KIF26B: variants seen among roughly 807,000 people sequenced by gnomAD.
KIF26B encodes the protein kinesin-like protein KIF26B.
A neutral mutation model predicts 151.2 loss-of-function variants in KIF26B; 63 were observed. That is an observed-to-expected ratio of 0.42 (90% CI 0.34 to 0.51). The LOEUF is 0.51. Ranked by LOEUF, KIF26B falls within the 20% of genes least tolerant of loss-of-function variation. The probability of loss-of-function intolerance (pLI) is 0.07; values close to 1 mark genes in which losing one functional copy is unlikely to be tolerated. For synonymous variants in KIF26B, 1,357 were observed against 1,262.1 expected, an observed-to-expected ratio of 1.08 and a Z score of -1.59; for missense variants, 2,813 against 2,913.6, an observed-to-expected ratio of 0.97 and a Z score of 0.79.
At position 245,451,001 on chromosome 1, in the gene KIF26B, C is replaced by G. The variant is rs367797630; in HGVS notation, c.1166+31256C>G. 2.0e-3 allele frequency among the ~76,000 whole-genome samples: 299 copies of G among 152,108 alleles called. 1 individual carries two copies. Among genetic ancestry groups the G allele is most frequent in the African/African-American group, 6.6e-3 (274 of 41,480 alleles). ...TCCTATGGAAATGAATTCCTCGTGC[C>G]CACGGCCATTACATTTCCTACAACG... On this transcript the variant is annotated intron_variant, in intron 4 of 14. Coordinates refer to ENST00000407071, the MANE Select transcript of KIF26B (RefSeq NM_018012.4).
At chr1:245,347,747 A>C (rs940021922) in intron 2 of KIF26B, among the ~76,000 whole-genome samples, 1 of 152,256 alleles carries the variant, frequency 6.6e-6, no homozygotes, top group Non-Finnish European at 1.5e-5. Flanking sequence ...CCACTCAATC[A>C]AAAGCTCTTA....
At chr1:245,487,936 C>T (rs1468337024) in intron 4 of KIF26B, among the ~76,000 whole-genome samples, 1 of 152,040 alleles carries the variant, frequency 6.6e-6, no homozygotes, top group Non-Finnish European at 1.5e-5. Context: ...TTATAGGCGC[C>T]TGCCACCATG....
rs149066371 is a variant in KIF26B at position 245,360,138 on chromosome 1, T to G, written c.466-6696T>G. Among the ~76,000 whole-genome samples the G allele has an allele frequency of 9.2e-3, 1,400 of 152,034 alleles. 22 individuals are homozygous for G. The highest frequency in any genetic ancestry group is 0.042 in the East Asian group (218 of 5,170). On this transcript the variant is annotated intron_variant, in intron 2 of 14. Transcript: ENST00000407071. ...TCCACCCACCTTGACCTCCCAAAGTTCTGGGATTACAGGTGTGAGCCACTG... is the reference window on the plus strand; with the variant it reads ...TCCACCCACCTTGACCTCCCAAAGTGCTGGGATTACAGGTGTGAGCCACTG...
chr1:245,316,843 T>C (rs35578637), intron 2 of KIF26B, among the ~76,000 whole-genome samples: 35,173 of 139,412 alleles, frequency 0.25, 4,712 homozygotes, highest in African/African-American at 0.39. Context: ...TCAAGGACCC[T>C]CACAATCACC....
intron 7 of KIF26B, 35 bp from the exon 8 acceptor site, chr1:245,609,231 T>C: frequency 1.9e-6 from 3 of 1,561,218 alleles, no homozygotes; most frequent in Non-Finnish European, 2.6e-6. Context: ...GCCTGGACAC[T>C]GAACCTGCTT....
chr1:245,172,083 GT>G lies in KIF26B; in HGVS notation c.465+15403del, dbSNP rs1016502448. On this transcript the variant is annotated intron_variant, in intron 2 of 14. Coordinates refer to ENST00000407071, the MANE Select transcript of KIF26B (RefSeq NM_018012.4). ...TTTTCATTTCCTTATCCATCCACCT[GT>G]TTGTTTATCCACTCATCTACCTGTC... is the stretch of plus-strand genomic sequence containing the variant. 7.8e-4 allele frequency among the ~76,000 whole-genome samples: 8 copies of G among 10,314 alleles called. No individual in the cohort carries two copies. In the South Asian group the frequency reaches 0.02, roughly 26 times the overall value. The allele number at this position is 10,314 out of a possible 152,430, so 6.8% of individuals were successfully genotyped here. A position where few individuals can be genotyped will look rare whatever the true frequency, so the allele number is the denominator to read the frequency against.
chr1:245,577,348 C>T (rs749937903), intron 5 of KIF26B, among the ~76,000 whole-genome samples: 12 of 152,098 alleles, frequency 7.9e-5, no homozygotes, highest in Non-Finnish European at 1.5e-4. Flanking sequence ...ATAACAGAGT[C>T]AGGCATAAGA....
intron 10 of KIF26B, among the ~76,000 whole-genome samples, chr1:245,680,043 CCT>C (rs1466725157): frequency 6.6e-6 from 1 of 152,146 alleles, no homozygotes; most frequent in Non-Finnish European, 1.5e-5. Flanking sequence ...CTTTTCTCTT[CCT>C]CTCTCTTCAG....
intron 2 of KIF26B, among the ~76,000 whole-genome samples, chr1:245,251,786 A>T (rs1218102959): frequency 6.6e-6 from 1 of 152,130 alleles, no homozygotes; most frequent in Non-Finnish European, 1.5e-5. Flanking sequence ...GAGTTTATAA[A>T]TCTTAATATT....
chr1:245,320,737 G>A (rs1196981928), intron 2 of KIF26B, among the ~76,000 whole-genome samples: 1 of 152,054 alleles, frequency 6.6e-6, no homozygotes, highest in Non-Finnish European at 1.5e-5. Context: ...GAGTGCAATG[G>A]TGTGATCTTG....
At chr1:245,395,480 G>C (rs1175436516) in intron 3 of KIF26B, among the ~76,000 whole-genome samples, 1 of 152,198 alleles carries the variant, frequency 6.6e-6, no homozygotes, top group Non-Finnish European at 1.5e-5. Context: ...CAGGTGCCAC[G>C]TAGACCTTCT....
chr1:245,255,401 G>T (rs959851511), intron 2 of KIF26B, among the ~76,000 whole-genome samples: 10 of 152,312 alleles, frequency 6.6e-5, no homozygotes, highest in African/African-American at 2.2e-4. Context: ...GAACATTCCT[G>T]TTGAGATTCC....
intron 5 of KIF26B, among the ~76,000 whole-genome samples, chr1:245,548,284 T>TA (rs56942606): frequency 4.5e-4 from 67 of 149,728 alleles, no homozygotes; most frequent in African/African-American, 9.5e-4. Context: ...TGGTTGAACT[T>TA]AAAAAAAAAA....
At chr1:245,194,905 T>C (rs755905078) in intron 2 of KIF26B, among the ~76,000 whole-genome samples, 2 of 152,066 alleles carry the variant, frequency 1.3e-5, no homozygotes, top group South Asian at 2.1e-4. Flanking sequence ...TAGGAGAGGG[T>C]TGAAGATTTT....
intron 3 of KIF26B, among the ~76,000 whole-genome samples, chr1:245,405,786 C>A (rs113476406): frequency 1.3e-3 from 191 of 152,220 alleles, no homozygotes; most frequent in Middle Eastern, 0.01. Context: ...TTTCCAGCTC[C>A]ATTTTTAAAA....
chr1:245,574,864 C>CTTTTTTTTTTTTTTTTTT (rs201010492), intron 5 of KIF26B, among the ~76,000 whole-genome samples: 26 of 126,238 alleles, frequency 2.1e-4, no homozygotes, highest in African/African-American at 3.7e-4. Flanking sequence ...TTTTTTTTTT[C>CTTTTTTTTTTTTTTTTTT]TTTTTTTTTT....
rs544243057 is a variant in KIF26B, at chr1:245,155,175, G to A, written c.-250G>A. 2 of 557,380 alleles carry A rather than the reference G, an allele frequency of 3.6e-6. No individual in the cohort carries two copies. The highest frequency in any genetic ancestry group is 6.2e-6 in the Non-Finnish European group (2 of 322,404). 34.5% of individuals were successfully genotyped at this position (557,380 alleles called of 1,614,324 possible). On this transcript the variant is annotated 5_prime_UTR_variant, in exon 1 of 15. Transcript: ENST00000407071. ...GACAAGAGGACGTGCGGCTGGAAGA[G>A]GCAGAAGGGGACGAGGAAAAGCATG... is the stretch of plus-strand genomic sequence containing the variant.
rs189717939 is a variant in KIF26B, at chr1:245,664,805, T to G, written c.2258+18525T>G. 2.2e-3 allele frequency among the ~76,000 whole-genome samples: 335 copies of G among 152,344 alleles called. 1 individual carries two copies. Among genetic ancestry groups the G allele is most frequent in the Middle Eastern group, 6.8e-3 (2 of 294 alleles). ...ATCTTCTAATACCACTTCAGTAGTA[T>G]TTTTCTTAACACTATTTTTTCTATT... On this transcript the variant is annotated intron_variant, in intron 10 of 14. Transcript: ENST00000407071.
At chr1:245,644,447 A>G (rs527822064) in intron 9 of KIF26B, among the ~76,000 whole-genome samples, 3 of 152,252 alleles carry the variant, frequency 2.0e-5, no homozygotes, top group South Asian at 2.1e-4. Flanking sequence ...TCTAACATCT[A>G]TGCTAGTTCT....
Sources: gnomAD v4.1 joint callset for allele counts (sites outside exome capture counted in the v4.1 genomes callset) on GRCh38, gnomAD v4.1.1 for gene constraint, MANE v1.5 for transcripts, NCBI Gene and HGNC (gene_info 2026-07-23, HGNC 2026-07-21) for gene names.